Variants in DOK6 observed in about 807,000 individuals in gnomAD.
DOK6 encodes the protein docking protein 6, also known as downstream of tyrosine kinase 6.
Under a neutral mutation model 44.0 loss-of-function variants are expected in DOK6, and 22 were observed. That is an observed-to-expected ratio of 0.50 (90% CI 0.36 to 0.71). The LOEUF is 0.71. Ranked by LOEUF, DOK6 falls within the 30% of genes least tolerant of loss-of-function variation. The pLI, the probability that DOK6 is intolerant of heterozygous loss-of-function variation, is 0.00. For missense variants in DOK6, 340 were observed against 416.4 expected, an observed-to-expected ratio of 0.82 and a Z score of 1.60; for synonymous variants, 166 against 145.5, an observed-to-expected ratio of 1.14 and a Z score of -1.01.
intron 1 of DOK6, among the ~76,000 whole-genome samples, chr18:69,432,681 T>C (rs1837175111): frequency 6.6e-6 from 1 of 152,214 alleles, no homozygotes; most frequent in Non-Finnish European, 1.5e-5. Context: ...GCAACAGTGA[T>C]ACATTTGGTG....
chr18:69,599,506 A>G lies in DOK6; in HGVS notation c.289+8A>G. On this transcript the variant is annotated splice_region_variant and intron_variant, in intron 3 of 7. Coordinates refer to ENST00000382713, the MANE Select transcript of DOK6 (RefSeq NM_152721.6). ...CATTTGCCTGTGAGTCAGGTAAGCT[A>G]TTATTGGCCATCTACCCCTTGAGGA... 6.2e-7 allele frequency: 1 copy of G among 1,610,204 alleles called. No homozygotes were observed. Among genetic ancestry groups the G allele is most frequent in the South Asian group, 1.1e-5 (1 of 90,886 alleles).
At chr18:69,642,726 ATC>A (rs1333330292) in intron 3 of DOK6, among the ~76,000 whole-genome samples, 1 of 152,106 alleles carries the variant, frequency 6.6e-6, no homozygotes, top group African/African-American at 2.4e-5. Flanking sequence ...GTCTACATGT[ATC>A]TGTTTCTCAC....
rs181228482 is a variant in DOK6 at position 69,672,935 on chromosome 18, G to A, written c.290-4799G>A. Among the ~76,000 whole-genome samples, 350 of 149,914 alleles carry A rather than the reference G, an allele frequency of 2.3e-3. 3 individuals carry two copies. Among genetic ancestry groups the A allele is most frequent in the African/African-American group, 8.2e-3 (337 of 41,206 alleles). On this transcript the variant is annotated intron_variant, in intron 3 of 7. Coordinates refer to ENST00000382713, the MANE Select transcript of DOK6 (RefSeq NM_152721.6). ...TCACAGCAAAGCATGTATTTAAGAC[G>A]TTAATAAATATGAAAACAACCTTTA...
chr18:69,818,581 C>T (rs1981471665), intron 7 of DOK6, among the ~76,000 whole-genome samples: 1 of 152,268 alleles, frequency 6.6e-6, no homozygotes, highest in East Asian at 1.9e-4. Flanking sequence ...GAATCAGGCT[C>T]GCCCAAATGA....
intron 1 of DOK6, among the ~76,000 whole-genome samples, chr18:69,512,332 C>CTTCTTCTTTTTTTTTTTTTTTTTTT (rs59109570): frequency 2.2e-5 from 2 of 91,690 alleles, no homozygotes; most frequent in Admixed American, 1.3e-4. Flanking sequence ...CTTTCTTCTT[C>CTTCTTCTTTTTTTTTTTTTTTTTTT]TTTTTTTTTT....
At chr18:69,507,997 A>G (rs1041325608) in intron 1 of DOK6, among the ~76,000 whole-genome samples, 1 of 152,172 alleles carries the variant, frequency 6.6e-6, no homozygotes, top group Non-Finnish European at 1.5e-5. Flanking sequence ...GATGTTAATT[A>G]TAGGTTTTTT....
chr18:69,586,012 A>G (rs1983490827), intron 2 of DOK6, among the ~76,000 whole-genome samples: 1 of 152,112 alleles, frequency 6.6e-6, no homozygotes, highest in Admixed American at 6.5e-5. Flanking sequence ...TGATCTCTCT[A>G]TATTTTCTGT....
intron 7 of DOK6, among the ~76,000 whole-genome samples, chr18:69,837,101 G>A (rs574978332): frequency 2.0e-5 from 3 of 152,292 alleles, no homozygotes; most frequent in South Asian, 4.1e-4. Flanking sequence ...CTGACCTTGA[G>A]GGGGAGAATA....
chr18:69,710,010 T>C (rs139373856), intron 5 of DOK6, among the ~76,000 whole-genome samples: 14 of 152,234 alleles, frequency 9.2e-5, no homozygotes, highest in African/African-American at 3.1e-4. Context: ...AGACTGCTTC[T>C]CTACTAAAAA....
chr18:69,646,579 G>C (rs1985078992), intron 3 of DOK6, among the ~76,000 whole-genome samples: 1 of 152,182 alleles, frequency 6.6e-6, no homozygotes, highest in African/African-American at 2.4e-5. Context: ...AATCCTTGAG[G>C]ATTTCTTCCA....
intron 1 of DOK6, among the ~76,000 whole-genome samples, chr18:69,471,375 G>T (rs1203080743): frequency 1.3e-5 from 2 of 151,864 alleles, no homozygotes; most frequent in African/African-American, 2.4e-5. Context: ...CGGAGGTTAG[G>T]GAAACACTTG....
chr18:69,476,421 A>G (rs182783888), intron 1 of DOK6, among the ~76,000 whole-genome samples: 16 of 151,774 alleles, frequency 1.1e-4, no homozygotes, highest in Non-Finnish European at 3.0e-5. Context: ...TTTTCTCAAG[A>G]GCGGAAGAGA....
intron 4 of DOK6, among the ~76,000 whole-genome samples, chr18:69,691,377 A>G (rs970998932): frequency 2.6e-5 from 4 of 151,992 alleles, no homozygotes; most frequent in African/African-American, 4.8e-5. Context: ...AGGAGAGAAT[A>G]TTCACCCCTC....
At chr18:69,620,133 AATTAT>A (rs1282996021) in intron 3 of DOK6, among the ~76,000 whole-genome samples, 5 of 152,056 alleles carry the variant, frequency 3.3e-5, no homozygotes, top group African/African-American at 1.2e-4. Context: ...CAATCCCTAA[AATTAT>A]ATTATAATGC....
At chr18:69,804,726 A>G (rs1431367644) in intron 7 of DOK6, among the ~76,000 whole-genome samples, 1 of 152,168 alleles carries the variant, frequency 6.6e-6, no homozygotes, top group Non-Finnish European at 1.5e-5. Context: ...GATGAGATTC[A>G]GGACCAAACC....
intron 6 of DOK6, among the ~76,000 whole-genome samples, chr18:69,745,837 A>T (rs1009603298): frequency 1.3e-5 from 2 of 152,252 alleles, no homozygotes; most frequent in African/African-American, 4.8e-5. Flanking sequence ...GCTAGCAAGA[A>T]AATTTAGCTT....
At position 69,520,700 on chromosome 18, in the gene DOK6, C is replaced by T. The variant is rs749093661; in HGVS notation, c.67-43787C>T. Among the ~76,000 whole-genome samples, 10 of 151,792 alleles carry T rather than the reference C, an allele frequency of 6.6e-5. No homozygotes were observed. The South Asian group carries it at 1.9e-3, about 28-fold the overall frequency. On this transcript the variant is annotated intron_variant, in intron 1 of 7. Transcript: ENST00000382713. ...TTTGTGCTTGGACTTGGGTCTCATC[C>T]CCAAAATAGCTCATTGTGTACAGTA...
At chr18:69,462,269 C>G (rs1310688545) in intron 1 of DOK6, among the ~76,000 whole-genome samples, 1 of 152,124 alleles carries the variant, frequency 6.6e-6, no homozygotes, top group East Asian at 1.9e-4. Flanking sequence ...CTTTCAAAAT[C>G]TTGTAGGAGG....
At chr18:69,638,789 G>A (rs1209412976) in intron 3 of DOK6, among the ~76,000 whole-genome samples, 1 of 152,098 alleles carries the variant, frequency 6.6e-6, no homozygotes, top group Non-Finnish European at 1.5e-5. Context: ...GCCTGTTTAA[G>A]AAAATATGTT....
Sources: allele counts gnomAD v4.1 joint callset (sites outside exome capture counted in the v4.1 genomes callset), GRCh38; gene constraint gnomAD v4.1.1; transcripts MANE v1.5; gene names NCBI Gene and HGNC (gene_info 2026-07-23, HGNC 2026-07-21).